The following SYNE1 variants were observed in gnomAD, a reference collection of about 807,000 sequenced individuals.
SYNE1 encodes the protein nesprin-1.
Under a neutral mutation model 1,111.0 loss-of-function variants are expected in SYNE1, and 616 were observed. That is an observed-to-expected ratio of 0.55 (90% CI 0.52 to 0.59). The LOEUF (loss-of-function observed/expected upper bound fraction) is 0.59, where lower values mean the gene tolerates loss of function less well. Among genes scored for constraint, SYNE1 ranks in the 20% least tolerant of loss-of-function variants. The pLI, the probability that SYNE1 is intolerant of heterozygous loss-of-function variation, is 0.00. For synonymous variants in SYNE1, 3,855 were observed against 3,825.8 expected, an observed-to-expected ratio of 1.01 and a Z score of -0.28; for missense variants, 10,006 against 10,417.0, an observed-to-expected ratio of 0.96 and a Z score of 1.72.
intron 73 of SYNE1, among the ~76,000 whole-genome samples, chr6:152,346,159 A>G (rs752191820): frequency 1.3e-5 from 2 of 152,050 alleles, no homozygotes; most frequent in Non-Finnish European, 2.9e-5. Context: ...CAACAAACAA[A>G]TTAACTTTAT....
chr6:152,317,537 C>A (rs748254192), intron 86 of SYNE1, among the ~76,000 whole-genome samples: 1 of 152,108 alleles, frequency 6.6e-6, no homozygotes, highest in Non-Finnish European at 1.5e-5. Flanking sequence ...CTTCCTTCAC[C>A]CTCCCCTGGG....
intron 66 of SYNE1, 29 bp from the exon 67 acceptor site, chr6:152,355,005 C>G: frequency 2.5e-6 from 4 of 1,610,698 alleles, no homozygotes; most frequent in Non-Finnish European, 3.4e-6. Context: ...GGCTGTCACT[C>G]TCAATCATAT....
chr6:152,629,751 AG>A (rs2099694743), intron 2 of SYNE1, among the ~76,000 whole-genome samples: 2 of 152,238 alleles, frequency 1.3e-5, no homozygotes, highest in South Asian at 4.2e-4. Flanking sequence ...AGAGGCCCAC[AG>A]GGAGGTGATA....
At chr6:152,203,435 C>G (rs1209384678) in intron 126 of SYNE1, among the ~76,000 whole-genome samples, 1 of 152,120 alleles carries the variant, frequency 6.6e-6, no homozygotes, top group East Asian at 1.9e-4. Flanking sequence ...CCAGGCCTTC[C>G]TGCTCCCCAC....
intron 52 of SYNE1, 151 bp downstream of exon 52, chr6:152,391,126 C>T: frequency 1.9e-6 from 2 of 1,042,250 alleles, no homozygotes; most frequent in Non-Finnish European, 2.9e-6. Context: ...AAAATGATGC[C>T]TCTGTATCCT....
chr6:152,464,495 T>C (rs2154268846), intron 18 of SYNE1, among the ~76,000 whole-genome samples: 1 of 152,296 alleles, frequency 6.6e-6, no homozygotes, highest in East Asian at 1.9e-4. Flanking sequence ...CAAGAATAGT[T>C]GATCTACATG....
At chr6:152,175,998 T>C (rs1445162042) in intron 130 of SYNE1, among the ~76,000 whole-genome samples, 1 of 149,708 alleles carries the variant, frequency 6.7e-6, no homozygotes, top group Non-Finnish European at 1.5e-5. Flanking sequence ...ACTAAAAATA[T>C]GGCAGAGATT....
chr6:152,515,228 A>C (rs1331050710), intron 6 of SYNE1, among the ~76,000 whole-genome samples: 2 of 151,990 alleles, frequency 1.3e-5, no homozygotes, highest in Non-Finnish European at 2.9e-5. Context: ...TCTCAAAAAA[A>C]AAAAAGAAAA....
At chr6:152,157,308 G>A (rs1164315007) in intron 131 of SYNE1, among the ~76,000 whole-genome samples, 1 of 152,200 alleles carries the variant, frequency 6.6e-6, no homozygotes, top group Non-Finnish European at 1.5e-5. Flanking sequence ...ACTATGTTAA[G>A]TGAAATAAGC....
At chr6:152,230,738 A>G (rs1283035692) in intron 114 of SYNE1, 36 bp from the exon 115 acceptor site, 1 of 1,606,442 alleles carries the variant, frequency 6.2e-7, no homozygotes, top group East Asian at 2.2e-5. Flanking sequence ...TTGCAACTTT[A>G]TTTTAATAAA....
At chr6:152,349,394 T>C (rs544301885) in intron 72 of SYNE1, among the ~76,000 whole-genome samples, 1 of 152,262 alleles carries the variant, frequency 6.6e-6, no homozygotes, top group Admixed American at 6.5e-5. Context: ...AATTATGAGA[T>C]GGGCTGGTAT....
chr6:152,331,613 C>G lies in SYNE1; in HGVS notation c.13072G>C (p.Glu4358Gln), dbSNP rs904457326. 23 of 1,614,048 alleles carry G rather than the reference C, an allele frequency of 1.4e-5. No homozygotes were observed. The highest frequency in any genetic ancestry group is 1.9e-5 in the Non-Finnish European group (22 of 1,180,020). Residue 4358 changes from glutamate to glutamine, a missense_variant, in exon 78 of 146, where the codon GAG becomes CAG. Coordinates refer to ENST00000367255, the MANE Select transcript of SYNE1 (RefSeq NM_182961.4). Reference protein sequence around the residue: ...VVQSRFQELMEWAEEQQPNIA... With the variant: ...VVQSRFQELMQWAEEQQPNIA... ...TTGGGTTGTTGCTCTTCTGCCCACT[C>G]CATTAGCTCCTGAAATCTGGACTGC... is the stretch of plus-strand genomic sequence containing the variant.
intron 70 of SYNE1, among the ~76,000 whole-genome samples, chr6:152,351,657 A>T (rs940459851): frequency 2.0e-5 from 3 of 152,210 alleles, no homozygotes; most frequent in Non-Finnish European, 2.9e-5. Flanking sequence ...CTTAGGTACC[A>T]GAAGATGAAG....
chr6:152,485,041 T>C, intron 12 of SYNE1, 69 bp from the exon 13 acceptor site: 2 of 1,521,906 alleles, frequency 1.3e-6, no homozygotes, highest in South Asian at 2.3e-5. Flanking sequence ...AAAGCACATT[T>C]CCTAAATAAC....
rs765532965 is a variant in SYNE1, at chr6:152,433,734, G to T, written c.4461+61C>A. 3.8e-6 allele frequency: 6 copies of T among 1,578,554 alleles called. No individual in the cohort carries two copies. The Admixed American group carries it at 1.0e-4, about 26-fold the overall frequency. On this transcript the variant is annotated intron_variant, in intron 34 of 145. Transcript: ENST00000367255. ...GGGACCGAACAGCATTTGATGAAAT[G>T]TAAGAAAGTAGTTCTTAAAAGCTAG...
rs114322053 is a variant in SYNE1, at chr6:152,174,657, G to A, written c.23627+1737C>T. Among the ~76,000 whole-genome samples, 1,182 of 152,290 alleles carry A rather than the reference G, an allele frequency of 7.8e-3. 13 individuals are homozygous for A. Among genetic ancestry groups the A allele is most frequent in the African/African-American group, 0.027 (1,133 of 41,564 alleles). On this transcript the variant is annotated intron_variant, in intron 130 of 145. Transcript: ENST00000367255. ...AGTCACAAACTTGAGAGGCAGGAGG[G>A]CACAGCACTCCAGGACACGCGCTTT...
chr6:152,428,701 T>C (rs1385742546), intron 36 of SYNE1, among the ~76,000 whole-genome samples: 2 of 152,146 alleles, frequency 1.3e-5, no homozygotes, highest in Non-Finnish European at 2.9e-5. Context: ...CTGATTTTAC[T>C]TTTACAAATT....
intron 40 of SYNE1, 94 bp downstream of exon 40, chr6:152,419,475 T>C: frequency 7.8e-7 from 1 of 1,289,434 alleles, no homozygotes; most frequent in Non-Finnish European, 1.1e-6. Flanking sequence ...TCTCACCATT[T>C]AAACTTTTTT....
chr6:152,486,814 A>T (rs983751105), intron 12 of SYNE1, among the ~76,000 whole-genome samples: 2 of 152,240 alleles, frequency 1.3e-5, no homozygotes, highest in African/African-American at 4.8e-5. Context: ...AGATACAATT[A>T]TATAAAATCA....
Sources: allele counts gnomAD v4.1 joint callset (sites outside exome capture counted in the v4.1 genomes callset), GRCh38; gene constraint gnomAD v4.1.1; transcripts MANE v1.5; gene names NCBI Gene and HGNC (gene_info 2026-07-23, HGNC 2026-07-21).